The following LRRTM4 variants were observed in gnomAD, a reference collection of about 807,000 sequenced individuals.
The protein encoded by LRRTM4 is leucine rich repeat transmembrane neuronal 4, also known as leucine-rich repeat transmembrane neuronal protein 4.
LRRTM4 carries 25 observed loss-of-function variants against 47.6 expected under a neutral mutation model. The ratio of observed to expected loss-of-function variants is 0.53; its 90% CI spans 0.38 to 0.73. The LOEUF (loss-of-function observed/expected upper bound fraction) is 0.73. Ranked by LOEUF, LRRTM4 falls within the 30% of genes least tolerant of loss-of-function variation. The probability of loss-of-function intolerance (pLI) is 0.00; values close to 1 mark genes in which losing one functional copy is unlikely to be tolerated. For synonymous variants in LRRTM4, 311 were observed against 269.5 expected (o/e 1.15, Z -1.51); for missense variants, 638 against 713.4 (o/e 0.89, Z 1.20).
chr2:76,866,435 G>A (rs1326352505), intron 3 of LRRTM4, among the ~76,000 whole-genome samples: 4 of 151,960 alleles, frequency 2.6e-5, no homozygotes, highest in Non-Finnish European at 4.4e-5. Context: ...CTTATGACTC[G>A]GCAAGGAGCA....
intron 3 of LRRTM4, among the ~76,000 whole-genome samples, chr2:77,404,120 A>C (rs1236224904): frequency 1.3e-5 from 2 of 151,982 alleles, no homozygotes; most frequent in East Asian, 3.9e-4. Context: ...ACTGTAGTTC[A>C]TTCTTTCATA....
intron 3 of LRRTM4, among the ~76,000 whole-genome samples, chr2:77,095,192 C>T (rs1471361043): frequency 1.3e-5 from 2 of 152,120 alleles, no homozygotes; most frequent in Non-Finnish European, 2.9e-5. Context: ...CAAATTAAAA[C>T]CACAGTGAGA....
At chr2:77,488,173 T>C (rs981633175) in intron 3 of LRRTM4, among the ~76,000 whole-genome samples, 1 of 152,140 alleles carries the variant, frequency 6.6e-6, no homozygotes, top group African/African-American at 2.4e-5. Context: ...TGACACCTTC[T>C]TTGGGGCTCT....
intron 3 of LRRTM4, among the ~76,000 whole-genome samples, chr2:76,817,489 T>C (rs1318696824): frequency 1.3e-5 from 2 of 151,984 alleles, no homozygotes; most frequent in African/African-American, 4.8e-5. Context: ...AGTACCTCAC[T>C]TAGTCCTCAC....
intron 3 of LRRTM4, among the ~76,000 whole-genome samples, chr2:77,473,620 A>T (rs576317279): frequency 6.6e-6 from 1 of 152,218 alleles, no homozygotes; most frequent in African/African-American, 2.4e-5. Flanking sequence ...CTTGAGCTTT[A>T]GTTTTTGCCT....
At chr2:76,807,459 C>CACATATATATATAT (rs1553412667) in intron 3 of LRRTM4, among the ~76,000 whole-genome samples, 1 of 85,630 alleles carries the variant, frequency 1.2e-5, no homozygotes, top group African/African-American at 6.3e-5. Flanking sequence ...TATATATATA[C>CACATATATATATAT]ATATATATAT....
chr2:77,380,257 T>C (rs956110492), intron 3 of LRRTM4, among the ~76,000 whole-genome samples: 6 of 152,128 alleles, frequency 3.9e-5, no homozygotes. Flanking sequence ...TATTAAGTGT[T>C]GGCAAGGTTT....
chr2:76,749,521 T>C (rs1672775861), intron 3 of LRRTM4, among the ~76,000 whole-genome samples: 1 of 152,148 alleles, frequency 6.6e-6, no homozygotes, highest in South Asian at 2.1e-4. Context: ...TCTAACACTC[T>C]ATCACATATC....
chr2:77,049,971 G>C (rs1345936746), intron 3 of LRRTM4, among the ~76,000 whole-genome samples: 1 of 151,938 alleles, frequency 6.6e-6, no homozygotes, highest in Non-Finnish European at 1.5e-5. Context: ...CCAAAGTTGA[G>C]AAATTCAATA....
chr2:77,480,000 C>T (rs1315890160), intron 3 of LRRTM4, among the ~76,000 whole-genome samples: 1 of 152,142 alleles, frequency 6.6e-6, no homozygotes, highest in African/African-American at 2.4e-5. Flanking sequence ...CCATTGCTCT[C>T]AGCCTAATTT....
intron 3 of LRRTM4, among the ~76,000 whole-genome samples, chr2:77,370,293 A>C (rs893321984): frequency 4.0e-5 from 6 of 151,738 alleles, no homozygotes; most frequent in Non-Finnish European, 8.8e-5. Context: ...GAATCAAAAA[A>C]AGAAGTTAAT....
At chr2:76,915,221 T>A (rs568533747) in intron 3 of LRRTM4, among the ~76,000 whole-genome samples, 1 of 152,152 alleles carries the variant, frequency 6.6e-6, no homozygotes, top group African/African-American at 2.4e-5. Flanking sequence ...GATGAACAGG[T>A]GGACTAATGG....
intron 3 of LRRTM4, among the ~76,000 whole-genome samples, chr2:77,219,723 G>A (rs1674564800): frequency 6.6e-6 from 1 of 152,174 alleles, no homozygotes; most frequent in Non-Finnish European, 1.5e-5. Flanking sequence ...CGCAGCAGCT[G>A]TGCAACTTCA....
At chr2:77,262,944 G>C (rs998925959) in intron 3 of LRRTM4, among the ~76,000 whole-genome samples, 2 of 152,058 alleles carry the variant, frequency 1.3e-5, no homozygotes, top group African/African-American at 2.4e-5. Context: ...CAATGAAGTA[G>C]CTTTTGAAAA....
chr2:76,837,204 A>G (rs978628395), intron 3 of LRRTM4, among the ~76,000 whole-genome samples: 13 of 151,958 alleles, frequency 8.6e-5, no homozygotes, highest in Admixed American at 2.6e-4. Context: ...ATGGTAGTTT[A>G]TATTTCTGTG....
chr2:76,748,448 G>T lies in LRRTM4; in HGVS notation c.*247C>A. 1 of 524,654 alleles carries T rather than the reference G, an allele frequency of 1.9e-6. No homozygotes were observed. Among genetic ancestry groups the T allele is most frequent in the Non-Finnish European group, 3.4e-6 (1 of 294,462 alleles). The allele number at this position is 524,654 out of a possible 1,614,324, so 32.5% of individuals were successfully genotyped here. ...TGACACTCTTACTATTTACATCCGG[G>T]AGCATTTTTGTTTGTTTTATGTTTT... is the stretch of plus-strand genomic sequence containing the variant. On this transcript the variant is annotated 3_prime_UTR_variant, in exon 4 of 4. Transcript: ENST00000409884.
intron 3 of LRRTM4, among the ~76,000 whole-genome samples, chr2:76,939,593 A>G (rs1428746838): frequency 6.6e-6 from 1 of 151,940 alleles, no homozygotes; most frequent in Non-Finnish European, 1.5e-5. Context: ...TTAGTACTGA[A>G]GGAATAGAAC....
At chr2:76,961,654 A>G (rs1384325481) in intron 3 of LRRTM4, among the ~76,000 whole-genome samples, 1 of 151,334 alleles carries the variant, frequency 6.6e-6, no homozygotes, top group African/African-American at 2.4e-5. Flanking sequence ...GGCTACTATT[A>G]ATGAATACTT....
At chr2:77,040,991 C>T (rs1679010376) in intron 3 of LRRTM4, among the ~76,000 whole-genome samples, 1 of 151,292 alleles carries the variant, frequency 6.6e-6, no homozygotes, top group African/African-American at 2.4e-5. Context: ...TAATTATAGT[C>T]ATCCTATTGT....
Sources: allele counts gnomAD v4.1 joint callset (sites outside exome capture counted in the v4.1 genomes callset), GRCh38; gene constraint gnomAD v4.1.1; transcripts MANE v1.5; gene names NCBI Gene and HGNC (gene_info 2026-07-23, HGNC 2026-07-21).